Variants in CNTN6 observed in about 807,000 individuals in gnomAD.
CNTN6 encodes contactin-6.
A neutral mutation model predicts 122.8 loss-of-function variants in CNTN6; 137 were observed. The observed-to-expected ratio is 1.12, with a 90% CI of 0.97 to 1.29. CNTN6 has a LOEUF of 1.29. Ranked by LOEUF, CNTN6 falls within the 50% of genes most tolerant of loss-of-function variation. The probability of loss-of-function intolerance (pLI) is 0.00; values close to 1 mark genes in which losing one functional copy is unlikely to be tolerated. For synonymous variants in CNTN6, 570 were observed against 426.0 expected (o/e 1.34, Z -4.16); for missense variants, 1,634 against 1,223.4 (o/e 1.34, Z -5.01).
intron 7 of CNTN6, among the ~76,000 whole-genome samples, chr3:1,303,445 G>T (rs1473357393): frequency 6.6e-6 from 1 of 152,086 alleles, no homozygotes; most frequent in African/African-American, 2.4e-5. Flanking sequence ...ATTACTGTTG[G>T]CTCTAGCTGT....
intron 16 of CNTN6, among the ~76,000 whole-genome samples, chr3:1,376,772 A>G (rs150479991): frequency 1.8e-3 from 276 of 152,250 alleles, no homozygotes; most frequent in African/African-American, 6.2e-3. Flanking sequence ...ACCCGATGTT[A>G]CTCAATTTTT....
At chr3:1,264,348 T>C (rs1252806997) in intron 4 of CNTN6, among the ~76,000 whole-genome samples, 1 of 152,180 alleles carries the variant, frequency 6.6e-6, no homozygotes, top group Admixed American at 6.5e-5. Flanking sequence ...AAACTCTACA[T>C]TTAAATTACT....
chr3:1,104,154 A>G (rs2091099084), intron 1 of CNTN6, among the ~76,000 whole-genome samples: 2 of 152,108 alleles, frequency 1.3e-5, no homozygotes, highest in African/African-American at 2.4e-5. Context: ...AATGAAGTAT[A>G]CAACTCTACC....
intron 17 of CNTN6, among the ~76,000 whole-genome samples, chr3:1,377,322 C>T (rs908652181): frequency 6.6e-6 from 1 of 152,022 alleles, no homozygotes; most frequent in South Asian, 2.1e-4. Flanking sequence ...ATCTATTGAG[C>T]GTGTGTCAGT....
At chr3:1,262,671 G>A (rs1330600708) in intron 4 of CNTN6, among the ~76,000 whole-genome samples, 1 of 152,102 alleles carries the variant, frequency 6.6e-6, no homozygotes, top group East Asian at 1.9e-4. Context: ...ATGGCATTGT[G>A]CTAAAGACTA....
chr3:1,400,411 G>A (rs374199417), intron 20 of CNTN6, among the ~76,000 whole-genome samples: 1 of 151,974 alleles, frequency 6.6e-6, no homozygotes, highest in African/African-American at 2.4e-5. Flanking sequence ...AAATTCTCTA[G>A]TTGGACTATA....
At chr3:1,212,566 C>T (rs1427097626) in intron 2 of CNTN6, among the ~76,000 whole-genome samples, 1 of 151,364 alleles carries the variant, frequency 6.6e-6, no homozygotes, top group South Asian at 2.1e-4. Flanking sequence ...TATACACATA[C>T]ACATACAGTA....
At chr3:1,267,301 CAG>C (rs2094942164) in intron 4 of CNTN6, among the ~76,000 whole-genome samples, 1 of 152,038 alleles carries the variant, frequency 6.6e-6, no homozygotes, top group Admixed American at 6.5e-5. Context: ...GAAAATGAAT[CAG>C]AGCTGGGTAG....
At chr3:1,368,256 C>G (rs182342027) in intron 12 of CNTN6, among the ~76,000 whole-genome samples, 1 of 152,146 alleles carries the variant, frequency 6.6e-6, no homozygotes, top group Non-Finnish European at 1.5e-5. Flanking sequence ...CTTGTACAAC[C>G]TCCACAAGTT....
chr3:1,258,205 T>C (rs546356781), intron 4 of CNTN6, among the ~76,000 whole-genome samples: 1 of 152,266 alleles, frequency 6.6e-6, no homozygotes, highest in Admixed American at 6.6e-5. Context: ...AAACCTATTA[T>C]TCCAGTTCTT....
intron 4 of CNTN6, among the ~76,000 whole-genome samples, chr3:1,277,801 G>A (rs1438542998): frequency 6.6e-6 from 1 of 152,130 alleles, no homozygotes; most frequent in Non-Finnish European, 1.5e-5. Flanking sequence ...TACCTCAGAT[G>A]GCTTAACAAG....
Position 1,403,309 on chromosome 3 carries a change from A to G in CNTN6, c.2987-9A>G. 1.3e-6 allele frequency: 2 copies of G among 1,576,216 alleles called. No individual in the cohort carries two copies. Among genetic ancestry groups the G allele is most frequent in the South Asian group, 2.3e-5 (2 of 88,014 alleles). On this transcript the variant is annotated splice_polypyrimidine_tract_variant and intron_variant, in intron 22 of 22. Coordinates refer to ENST00000446702, the MANE Select transcript of CNTN6 (RefSeq NM_001289080.2). ...CAAAATATTTTTGTCTTATTTTTAT[A>G]TTTTGCAGGTTTGAGTTCCAGAGGA... is the stretch of plus-strand genomic sequence containing the variant.
At chr3:1,387,703 G>A (rs1020800877) in intron 20 of CNTN6, among the ~76,000 whole-genome samples, 4 of 152,186 alleles carry the variant, frequency 2.6e-5, no homozygotes, top group Admixed American at 2.6e-4. Flanking sequence ...CAGTGGGTGA[G>A]CGCACCGTGC....
intron 1 of CNTN6, among the ~76,000 whole-genome samples, chr3:1,131,195 G>A (rs1324448861): frequency 6.6e-6 from 1 of 152,094 alleles, no homozygotes; most frequent in Non-Finnish European, 1.5e-5. Context: ...GGCACACCAA[G>A]CACGATGATA....
Position 1,309,502 on chromosome 3 carries a change from AC to A in CNTN6, c.761+11513del, listed in dbSNP as rs371948266. Among the ~76,000 whole-genome samples, 49 of 152,326 alleles carry A rather than the reference AC, an allele frequency of 3.2e-4. 1 individual carries two copies. The highest frequency in any genetic ancestry group is 1.1e-3 in the African/African-American group (46 of 41,580). ...TTGCTCTGTCTATTCTTTTGCCATT[AC>A]CACATTGCCTCAATTACTGTAGCTT... On this transcript the variant is annotated intron_variant, in intron 7 of 22. Coordinates refer to ENST00000446702, the MANE Select transcript of CNTN6 (RefSeq NM_001289080.2).
Position 1,153,935 on chromosome 3 carries a change from C to T in CNTN6, c.55+5872C>T, listed in dbSNP as rs549178183. Reference sequence around the variant, plus strand: ...TGAATATTGAGTACGTCACAACCCACACTCTGCCTACGGTCTTGTTTGGAT... The same window carrying T: ...TGAATATTGAGTACGTCACAACCCATACTCTGCCTACGGTCTTGTTTGGAT... On this transcript the variant is annotated intron_variant, in intron 2 of 22. Coordinates refer to ENST00000446702, the MANE Select transcript of CNTN6 (RefSeq NM_001289080.2). Among the ~76,000 whole-genome samples, 433 of 152,308 alleles carry T rather than the reference C, an allele frequency of 2.8e-3. 1 individual carries two copies. The highest frequency in any genetic ancestry group is 3.5e-3 in the Non-Finnish European group (237 of 68,026).
chr3:1,130,283 C>G (rs912367369), intron 1 of CNTN6, among the ~76,000 whole-genome samples: 7 of 151,956 alleles, frequency 4.6e-5, no homozygotes, highest in African/African-American at 1.7e-4. Flanking sequence ...ATCTCCTACC[C>G]TCACTCCCTT....
rs117069403 is a variant in CNTN6 at position 1,293,941 on chromosome 3, C to T, written c.455-1660C>T. On this transcript the variant is annotated intron_variant, in intron 5 of 22. Transcript: ENST00000446702. ...TTTGCTCAAAGATTTCTGGCTAAAA[C>T]GAAAGAAATTGACAGCACATGATTT... Among the ~76,000 whole-genome samples, 108 of 152,224 alleles carry T rather than the reference C, an allele frequency of 7.1e-4. 1 individual carries two copies. The East Asian group carries it at 0.013, about 18-fold the overall frequency.
At chr3:1,105,036 C>T (rs148072569) in intron 1 of CNTN6, among the ~76,000 whole-genome samples, 234 of 152,078 alleles carry the variant, frequency 1.5e-3, no homozygotes, top group Non-Finnish European at 2.5e-3. Context: ...AAAACAAATT[C>T]CTAGTAGTAC....
Sources: allele counts gnomAD v4.1 joint callset (sites outside exome capture counted in the v4.1 genomes callset), GRCh38; gene constraint gnomAD v4.1.1; transcripts MANE v1.5; gene names NCBI Gene and HGNC (gene_info 2026-07-23, HGNC 2026-07-21).